The following MAPK9 variants were observed in gnomAD, a reference collection of about 807,000 sequenced individuals.
MAPK9 encodes the protein mitogen-activated protein kinase 9.
Under a neutral mutation model 57.1 loss-of-function variants are expected in MAPK9, and 30 were observed. That is an observed-to-expected ratio of 0.53 (90% CI 0.39 to 0.71). The LOEUF (loss-of-function observed/expected upper bound fraction) is 0.71, where lower values mean the gene tolerates loss of function less well. MAPK9 is among the 30% of genes least tolerant of loss of function. The pLI is 0.00. For synonymous variants in MAPK9, 155 were observed against 177.0 expected (o/e 0.88, Z 0.99); for missense variants, 362 against 521.0 (o/e 0.69, Z 2.97).
At position 180,272,267 on chromosome 5, in the gene MAPK9, T is replaced by C. The variant is rs35632521; in HGVS notation, c.123-2858A>G. On this transcript the variant is annotated intron_variant, in intron 2 of 11. Coordinates refer to ENST00000452135, the MANE Select transcript of MAPK9 (RefSeq NM_002752.5). Reference sequence around the variant, plus strand: ...TCAGAAAAGGTGCATGGAAGATAGATGGTATTGCTCTGCCCCCACCCTTGA... The same window carrying C: ...TCAGAAAAGGTGCATGGAAGATAGACGGTATTGCTCTGCCCCCACCCTTGA... 1.3e-4 allele frequency among the ~76,000 whole-genome samples: 20 copies of C among 152,340 alleles called. No individual in the cohort carries two copies. The East Asian group carries it at 3.5e-3, about 26-fold the overall frequency.
intron 4 of MAPK9, among the ~76,000 whole-genome samples, 177 bp downstream of exon 4, chr5:180,264,604 A>T (rs1406849932): frequency 6.6e-6 from 1 of 152,256 alleles, no homozygotes. Context: ...ATGTGGTACA[A>T]ATAATTAAAT....
At position 180,233,402 on chromosome 5, in the gene MAPK9, T is replaced by A. The variant is rs1756974982; in HGVS notation, c.*2982A>T. On this transcript the variant is annotated 3_prime_UTR_variant, in exon 12 of 12. Coordinates refer to ENST00000452135, the MANE Select transcript of MAPK9 (RefSeq NM_002752.5). ...TTTTGAAAACACAGATTTAGGAATT[T>A]GCAGAATATTTTCAATAAGAGAACA... is the stretch of plus-strand genomic sequence containing the variant. 1 of 152,368 alleles carries A rather than the reference T, an allele frequency of 6.6e-6. No homozygotes were observed. The highest frequency in any genetic ancestry group is 1.9e-4 in the East Asian group (1 of 5,180). 9.4% of individuals were successfully genotyped at this position (152,368 alleles called of 1,614,324 possible).
intron 7 of MAPK9, chr5:180,246,929 A>G (rs1355306940): frequency 1.3e-5 from 2 of 153,058 alleles, no homozygotes; most frequent in Non-Finnish European, 2.9e-5. Context: ...TTTCATTTTA[A>G]TCTCTTTCAC....
chr5:180,264,251 C>T (rs1460113780), intron 4 of MAPK9, among the ~76,000 whole-genome samples: 1 of 152,170 alleles, frequency 6.6e-6, no homozygotes, highest in Non-Finnish European at 1.5e-5. Context: ...TAGGCCAAGT[C>T]CCAGAGAGTG....
intron 1 of MAPK9, among the ~76,000 whole-genome samples, chr5:180,286,387 G>A (rs1410644119): frequency 2.0e-5 from 3 of 150,814 alleles, no homozygotes; most frequent in African/African-American, 4.9e-5. Flanking sequence ...CTTATGATCC[G>A]CCCGCCTCAG....
intron 2 of MAPK9, among the ~76,000 whole-genome samples, chr5:180,270,078 A>G (rs1241815334): frequency 6.6e-6 from 1 of 152,232 alleles, no homozygotes; most frequent in Non-Finnish European, 1.5e-5. Context: ...TTTCCTCCAG[A>G]AAATAGACAT....
chr5:180,281,449 G>C (rs1434486455), intron 1 of MAPK9, among the ~76,000 whole-genome samples: 1 of 152,242 alleles, frequency 6.6e-6, no homozygotes, highest in Admixed American at 6.5e-5. Context: ...AAATTGGCAA[G>C]TGGTTCCTAG....
intron 10 of MAPK9, 46 bp downstream of exon 10, chr5:180,239,878 T>G (rs1224763010): frequency 1.9e-6 from 3 of 1,563,252 alleles, no homozygotes; most frequent in Non-Finnish European, 2.6e-6. Context: ...TCTACAGGAT[T>G]GGAAGAAATG....
At chr5:180,290,646 G>A (rs1230080547) in intron 1 of MAPK9, among the ~76,000 whole-genome samples, 3 of 152,208 alleles carry the variant, frequency 2.0e-5, no homozygotes, top group Non-Finnish European at 4.4e-5. Flanking sequence ...CCAACAGTTA[G>A]CAATTAAAGG....
rs534089409 is a variant in MAPK9, at chr5:180,266,617, T to C, written c.253-1778A>G. The stretch of plus-strand genomic sequence containing the variant: ...ACAGGTGTGAGCCACAGCGCCCGGC[T>C]GATACTTTTTTTTTTTTAGGAGATG... On this transcript the variant is annotated intron_variant, in intron 3 of 11. Transcript: ENST00000452135. Among the ~76,000 whole-genome samples the C allele has an allele frequency of 1.0e-3, 155 of 151,906 alleles. 1 individual carries two copies. Among genetic ancestry groups the C allele is most frequent in the African/African-American group, 3.5e-3 (145 of 41,440 alleles).
chr5:180,272,945 T>A (rs1761478902), intron 2 of MAPK9, among the ~76,000 whole-genome samples: 1 of 152,096 alleles, frequency 6.6e-6, no homozygotes, highest in Non-Finnish European at 1.5e-5. Flanking sequence ...CTGCCAGCAG[T>A]GCACGAGGGG....
At chr5:180,244,634 C>T (rs977070157) in intron 7 of MAPK9, among the ~76,000 whole-genome samples, 8 of 151,948 alleles carry the variant, frequency 5.3e-5, no homozygotes, top group Non-Finnish European at 1.2e-4. Context: ...ATTAGCCAGG[C>T]GTGGTGGCGG....
At chr5:180,282,635 G>A (rs1743284960) in intron 1 of MAPK9, among the ~76,000 whole-genome samples, 2 of 152,350 alleles carry the variant, frequency 1.3e-5, no homozygotes, top group South Asian at 4.1e-4. Context: ...AGCTTGGCTA[G>A]CGGGGTACAA....
intron 1 of MAPK9, among the ~76,000 whole-genome samples, chr5:180,284,556 T>C (rs988311060): frequency 6.6e-6 from 1 of 152,212 alleles, no homozygotes; most frequent in Non-Finnish European, 1.5e-5. Context: ...AGCTGAGAAG[T>C]GGTAAAACAT....
intron 1 of MAPK9, among the ~76,000 whole-genome samples, chr5:180,290,406 T>C (rs1157188259): frequency 6.6e-6 from 1 of 152,124 alleles, no homozygotes; most frequent in Non-Finnish European, 1.5e-5. Context: ...CCCTCCCCTA[T>C]AGCAAGGGTT....
rs1936430442 is a variant in MAPK9 at position 180,236,071 on chromosome 5, C to G, written c.*313G>C. The G allele has an allele frequency of 5.1e-6, 1 of 196,108 alleles. No individual in the cohort carries two copies. Among genetic ancestry groups the G allele is most frequent in the Admixed American group, 5.8e-5 (1 of 17,288 alleles). The allele number at this position is 196,108 out of a possible 1,614,324, so 12.1% of individuals were successfully genotyped here. On this transcript the variant is annotated 3_prime_UTR_variant, in exon 12 of 12. Coordinates refer to ENST00000452135, the MANE Select transcript of MAPK9 (RefSeq NM_002752.5). The stretch of plus-strand genomic sequence containing the variant: ...CATTTGTGGTCACATGCACATACAT[C>G]TCAACAGTTACAGATGATGAGAAAC...
Position 180,268,862 on chromosome 5 carries a change from G to A in MAPK9, c.252+418C>T, listed in dbSNP as rs1016296859. Among the ~76,000 whole-genome samples the A allele has an allele frequency of 2.1e-4, 32 of 151,090 alleles. No homozygotes were observed. In the East Asian group the frequency reaches 2.4e-3, roughly 11 times the overall value. Reference sequence around the variant, plus strand: ...GAATGTTATCAATAAAAAATAGGCCGGGCATGGTGGCTCACGCCTGTAATC... The same window carrying A: ...GAATGTTATCAATAAAAAATAGGCCAGGCATGGTGGCTCACGCCTGTAATC... On this transcript the variant is annotated intron_variant, in intron 3 of 11. Coordinates refer to ENST00000452135, the MANE Select transcript of MAPK9 (RefSeq NM_002752.5).
rs200382705 is a variant in MAPK9 at position 180,269,446 on chromosome 5, C to T, written c.123-37G>A. The T allele has an allele frequency of 3.6e-5, 58 of 1,595,506 alleles. No individual in the cohort carries two copies. The East Asian group carries it at 5.4e-4, about 15-fold the overall frequency. ...AAATATAATGCACAATCCATTAGAA[C>T]GGTTTTGGAAAATACAGCAATGCCA... On this transcript the variant is annotated intron_variant, in intron 2 of 11. Transcript: ENST00000452135.
At chr5:180,241,330 A>G (rs1159121227) in intron 8 of MAPK9, among the ~76,000 whole-genome samples, 175 bp from the exon 9 acceptor site, 1 of 149,514 alleles carries the variant, frequency 6.7e-6, no homozygotes, top group Non-Finnish European at 1.5e-5. Flanking sequence ...TCGGAGACGG[A>G]GTCTCGCTCT....
Sources: allele counts gnomAD v4.1 joint callset (sites outside exome capture counted in the v4.1 genomes callset), GRCh38; gene constraint gnomAD v4.1.1; transcripts MANE v1.5; gene names NCBI Gene and HGNC (gene_info 2026-07-23, HGNC 2026-07-21).